DTX2: variants seen among roughly 807,000 people sequenced by gnomAD.
DTX2 encodes the protein deltex E3 ubiquitin ligase 2.
A neutral mutation model predicts 55.3 loss-of-function variants in DTX2; 29 were observed. The ratio of observed to expected loss-of-function variants is 0.52; its 90% CI spans 0.39 to 0.71. The LOEUF is 0.71. DTX2 is among the 30% of genes least tolerant of loss of function. The pLI, the probability that DTX2 is intolerant of heterozygous loss-of-function variation, is 0.00. For missense variants in DTX2, 537 were observed against 822.5 expected (o/e 0.65, Z 4.25); for synonymous variants, 276 against 340.4 (o/e 0.81, Z 2.08).
At chr7:76,476,537 C>T (rs956058797) in intron 2 of DTX2, among the ~76,000 whole-genome samples, 1 of 151,322 alleles carries the variant, frequency 6.6e-6, no homozygotes, top group African/African-American at 2.4e-5. Context: ...CCAGGGAGTG[C>T]GGTTGTGTTT....
At chr7:76,502,725 C>T in intron 8 of DTX2, 1 of 510,784 alleles carries the variant, frequency 2.0e-6, no homozygotes, top group Non-Finnish European at 3.5e-6. Context: ...TGAGAAGATT[C>T]TGGGCTTCTC....
intron 3 of DTX2, among the ~76,000 whole-genome samples, chr7:76,481,156 G>A (rs572274639): frequency 3.3e-5 from 5 of 152,076 alleles, no homozygotes; most frequent in South Asian, 2.1e-4. Flanking sequence ...GCATGTGTGC[G>A]TTTCTGCTTT....
chr7:76,481,806 T>G (rs1809252329), intron 3 of DTX2, among the ~76,000 whole-genome samples: 1 of 151,818 alleles, frequency 6.6e-6, no homozygotes, highest in South Asian at 2.1e-4. Flanking sequence ...TTTTCAATTT[T>G]AATTTTAGTT....
In DTX2 at chr7:76,505,615, C is replaced by G. The variant is rs1055173533; in HGVS notation, c.*14C>G. On this transcript the variant is annotated 3_prime_UTR_variant, in exon 11 of 11. Coordinates refer to ENST00000430490, the MANE Select transcript of DTX2 (RefSeq NM_001102594.3). The surrounding 1 kb of genome is among the most constrained non-coding windows in gnomAD (Gnocchi z 4.4). ...GAGCAGCAGTGACCTCGCACCCCAG[C>G]ACGCCCGCCTCTGGTGGCCACCCCG... is the stretch of plus-strand genomic sequence containing the variant. 5 of 1,504,396 alleles carry G rather than the reference C, an allele frequency of 3.3e-6. No individual in the cohort carries two copies. In the African/African-American group the frequency reaches 6.9e-5, roughly 21 times the overall value. 93.2% of individuals were successfully genotyped at this position (1,504,396 alleles called of 1,614,324 possible). A position where few individuals can be genotyped will look rare whatever the true frequency, so the allele number is the denominator to read the frequency against.
At position 76,494,278 on chromosome 7, in the gene DTX2, G is replaced by C. The variant is rs980773612; in HGVS notation, c.1009+2025G>C. Among the ~76,000 whole-genome samples, 21 of 91,878 alleles carry C rather than the reference G, an allele frequency of 2.3e-4. 6 individuals are homozygous for C. The highest frequency in any genetic ancestry group is 5.4e-4 in the Admixed American group (5 of 9,268). The allele number at this position is 91,878 out of a possible 152,430, so 60.3% of individuals were successfully genotyped here. ...GGCAGGAGGGAGAGGAGCTGGAGTG[G>C]GGCAGGGGAGACAGAATGAGCAAGA... On this transcript the variant is annotated intron_variant, in intron 5 of 10. Transcript: ENST00000430490.
chr7:76,503,116 C>T (rs1412171168), intron 8 of DTX2: 14 of 408,826 alleles, frequency 3.4e-5, no homozygotes, highest in African/African-American at 8.1e-5. Context: ...GCAGATCAGA[C>T]GCTGCAAGGC....
intron 2 of DTX2, among the ~76,000 whole-genome samples, chr7:76,466,941 A>C (rs866602887): frequency 2.6e-5 from 4 of 151,814 alleles, no homozygotes; most frequent in Non-Finnish European, 5.9e-5. Flanking sequence ...CTTGTAACCC[A>C]GGCAGCTGGA....
chr7:76,502,281 T>C lies in DTX2; in HGVS notation c.1231-17T>C, dbSNP rs752490607. The C allele has an allele frequency of 5.0e-6, 8 of 1,589,706 alleles. No individual in the cohort carries two copies. The East Asian group carries it at 1.6e-4, about 31-fold the overall frequency. On this transcript the variant is annotated splice_polypyrimidine_tract_variant and intron_variant, in intron 7 of 10. Coordinates refer to ENST00000430490, the MANE Select transcript of DTX2 (RefSeq NM_001102594.3). ...GCCCACTGTTGGCGAGCATGACCCA[T>C]GTTTGGTCTCCTCCAGGACTGCATC...
intron 2 of DTX2, among the ~76,000 whole-genome samples, chr7:76,465,120 G>A (rs1456877680): frequency 6.7e-6 from 1 of 148,466 alleles, no homozygotes; most frequent in Non-Finnish European, 1.5e-5. Flanking sequence ...GAGGGTGTTT[G>A]CTTTCTGCTG....
chr7:76,486,887 C>CTGCTGCTGCTGCTGCTGCTG (rs1563742121), intron 4 of DTX2, among the ~76,000 whole-genome samples: 1 of 151,524 alleles, frequency 6.6e-6, no homozygotes, highest in Non-Finnish European at 1.5e-5. Flanking sequence ...GCTGCTGCTG[C>CTGCTGCTGCTGCTGCTGCTG]CCTTGCCTCT....
intron 2 of DTX2, among the ~76,000 whole-genome samples, chr7:76,464,168 G>A (rs1437045054): frequency 6.6e-6 from 1 of 151,862 alleles, no homozygotes; most frequent in Non-Finnish European, 1.5e-5. Flanking sequence ...TAGAGGGAAG[G>A]TCAGGAAGGC....
chr7:76,465,746 A>G (rs1330990104), intron 2 of DTX2, among the ~76,000 whole-genome samples: 2 of 150,446 alleles, frequency 1.3e-5, no homozygotes, highest in African/African-American at 4.9e-5. Flanking sequence ...ATGCCTGGCT[A>G]ATTTTTGTAT....
intron 6 of DTX2, among the ~76,000 whole-genome samples, chr7:76,498,334 G>A (rs1216101584): frequency 2.0e-5 from 3 of 151,330 alleles, no homozygotes; most frequent in African/African-American, 7.3e-5. Flanking sequence ...GGCTCAGGGA[G>A]GGGTGGGCCT....
chr7:76,479,609 G>C (rs1181790207), intron 2 of DTX2, among the ~76,000 whole-genome samples: 3 of 106,748 alleles, frequency 2.8e-5, no homozygotes, highest in Non-Finnish European at 5.8e-5. Flanking sequence ...GTGAAACCCC[G>C]TCTCTACTAA....
intron 2 of DTX2, chr7:76,470,206 AC>A (rs1257960811): frequency 3.2e-5 from 12 of 369,998 alleles, no homozygotes; most frequent in Middle Eastern, 8.8e-4. Flanking sequence ...TCTTTCTCAT[AC>A]TGCAAGAACA....
At chr7:76,488,508 G>A (rs557690146) in intron 4 of DTX2, among the ~76,000 whole-genome samples, 1 of 82,358 alleles carries the variant, frequency 1.2e-5, no homozygotes, top group Non-Finnish European at 2.4e-5. Flanking sequence ...CTACGGGCTT[G>A]AGCTCAGTGC....
At chr7:76,502,203 A>C (rs1316135570) in intron 7 of DTX2, 95 bp from the exon 8 acceptor site, 2 of 1,297,790 alleles carry the variant, frequency 1.5e-6, no homozygotes, top group African/African-American at 2.9e-5. Flanking sequence ...CTGCACTTCC[A>C]GCATTTCAGC....
At chr7:76,472,015 C>T (rs1292731958) in intron 2 of DTX2, 1 of 148,520 alleles carries the variant, frequency 6.7e-6, no homozygotes, top group African/African-American at 2.5e-5. Context: ...ATGCTAGTTT[C>T]GTGCCATCTT....
At chr7:76,498,446 G>T (rs1811181207) in intron 6 of DTX2, among the ~76,000 whole-genome samples, 1 of 151,286 alleles carries the variant, frequency 6.6e-6, no homozygotes, top group South Asian at 2.1e-4. Context: ...ACCTTCTGTG[G>T]CACTCGGGTT....
Sources: gnomAD v4.1 joint callset for allele counts (sites outside exome capture counted in the v4.1 genomes callset) on GRCh38, gnomAD v4.1.1 for gene constraint, Gnocchi (gnomAD v3.1) non-coding constraint, MANE v1.5 for transcripts, NCBI Gene and HGNC (gene_info 2026-07-23, HGNC 2026-07-21) for gene names.